Variants in PPP2R5E observed in about 807,000 individuals in gnomAD.
PPP2R5E encodes serine/threonine-protein phosphatase 2A 56 kDa regulatory subunit epsilon isoform.
A neutral mutation model predicts 65.3 loss-of-function variants in PPP2R5E; 4 were observed. The ratio of observed to expected loss-of-function variants is 0.06; its 90% CI spans 0.03 to 0.14. The LOEUF is 0.14. Among genes scored for constraint, PPP2R5E ranks in the 10% least tolerant of loss-of-function variants. The probability of loss-of-function intolerance (pLI) is 1.00; values close to 1 mark genes in which losing one functional copy is unlikely to be tolerated. For missense variants in PPP2R5E, 274 were observed against 556.1 expected (o/e 0.49, Z 5.10); for synonymous variants, 183 against 187.4 (o/e 0.98, Z 0.19).
At chr14:63,505,510 C>T (rs1892118052) in intron 2 of PPP2R5E, among the ~76,000 whole-genome samples, 1 of 152,206 alleles carries the variant, frequency 6.6e-6, no homozygotes, top group Non-Finnish European at 1.5e-5. Flanking sequence ...GCTCTCCCCA[C>T]CCCTTCTCCA....
chr14:63,517,062 A>G (rs1188746573), intron 2 of PPP2R5E, among the ~76,000 whole-genome samples: 1 of 152,210 alleles, frequency 6.6e-6, no homozygotes, highest in Non-Finnish European at 1.5e-5. Flanking sequence ...CTTATGACTC[A>G]AAAAATATGT....
intron 12 of PPP2R5E, 64 bp downstream of exon 12, chr14:63,384,380 A>C: frequency 6.5e-7 from 1 of 1,549,270 alleles, no homozygotes; most frequent in Non-Finnish European, 8.9e-7. Flanking sequence ...GCACATAATA[A>C]GGCTGAAGGG....
At chr14:63,469,732 G>C (rs1890022965) in intron 2 of PPP2R5E, among the ~76,000 whole-genome samples, 1 of 152,142 alleles carries the variant, frequency 6.6e-6, no homozygotes, top group Non-Finnish European at 1.5e-5. Flanking sequence ...CATGGACCAA[G>C]TTGAGAGACA....
At chr14:63,493,358 T>C (rs1891375936) in intron 2 of PPP2R5E, among the ~76,000 whole-genome samples, 1 of 151,978 alleles carries the variant, frequency 6.6e-6, no homozygotes, top group Non-Finnish European at 1.5e-5. Flanking sequence ...CTATAGAATA[T>C]TTAGCAGCAT....
chr14:63,484,961 G>A (rs1890906959), intron 2 of PPP2R5E, among the ~76,000 whole-genome samples: 1 of 152,078 alleles, frequency 6.6e-6, no homozygotes, highest in African/African-American at 2.4e-5. Flanking sequence ...AAGGAACAAT[G>A]CAACAGCACT....
intron 2 of PPP2R5E, among the ~76,000 whole-genome samples, chr14:63,462,654 C>T (rs2139515742): frequency 6.6e-6 from 1 of 152,014 alleles, no homozygotes; most frequent in Non-Finnish European, 1.5e-5. Context: ...ATCTTATTTC[C>T]CCATGTTTTC....
intron 11 of PPP2R5E, among the ~76,000 whole-genome samples, chr14:63,387,841 G>T (rs1311656932): frequency 6.6e-6 from 1 of 152,168 alleles, no homozygotes; most frequent in Non-Finnish European, 1.5e-5. Context: ...ATAAGAAGAG[G>T]AAGAGAGTGA....
intron 5 of PPP2R5E, among the ~76,000 whole-genome samples, chr14:63,402,540 T>A (rs1223650433): frequency 6.6e-6 from 1 of 152,126 alleles, no homozygotes; most frequent in Non-Finnish European, 1.5e-5. Context: ...ACTATTAACA[T>A]CTTCAAAGAT....
chr14:63,474,673 C>CAAAAAAAAA (rs1157357885), intron 2 of PPP2R5E, among the ~76,000 whole-genome samples: 4 of 27,720 alleles, frequency 1.4e-4, no homozygotes, highest in African/African-American at 2.0e-4. Flanking sequence ...TACCCCATCT[C>CAAAAAAAAA]AAAAAAAAAA....
chr14:63,524,561 G>A (rs1893101838), intron 2 of PPP2R5E, among the ~76,000 whole-genome samples: 1 of 152,176 alleles, frequency 6.6e-6, no homozygotes, highest in Non-Finnish European at 1.5e-5. Context: ...CCTACAATAA[G>A]TGAGTTCCCC....
chr14:63,527,301 A>C (rs1893220777), intron 2 of PPP2R5E, among the ~76,000 whole-genome samples: 1 of 152,272 alleles, frequency 6.6e-6, no homozygotes, highest in Admixed American at 6.5e-5. Flanking sequence ...TCAAACTGAC[A>C]TTAACTAAAC....
chr14:63,378,820 C>T (rs1405016530), intron 13 of PPP2R5E, among the ~76,000 whole-genome samples: 1 of 152,146 alleles, frequency 6.6e-6, no homozygotes, highest in Non-Finnish European at 1.5e-5. Flanking sequence ...ATTTGTAATA[C>T]TTCAAAATTT....
At chr14:63,484,750 A>G (rs1890898033) in intron 2 of PPP2R5E, among the ~76,000 whole-genome samples, 1 of 152,226 alleles carries the variant, frequency 6.6e-6, no homozygotes, top group African/African-American at 2.4e-5. Flanking sequence ...AGCAAAAGAT[A>G]TGGAGAGGTT....
At chr14:63,404,342 A>G (rs1404472852) in intron 5 of PPP2R5E, among the ~76,000 whole-genome samples, 1 of 152,218 alleles carries the variant, frequency 6.6e-6, no homozygotes, top group Non-Finnish European at 1.5e-5. Context: ...GGTATTCTAA[A>G]TGTTTTCATC....
intron 4 of PPP2R5E, among the ~76,000 whole-genome samples, chr14:63,416,234 T>C (rs982613602): frequency 5.3e-5 from 8 of 152,224 alleles, no homozygotes; most frequent in Admixed American, 2.6e-4. Context: ...GAGGGAGGAC[T>C]GCTTCAGCCC....
intron 2 of PPP2R5E, among the ~76,000 whole-genome samples, chr14:63,506,380 G>A (rs1418997574): frequency 6.6e-6 from 1 of 152,156 alleles, no homozygotes; most frequent in African/African-American, 2.4e-5. Context: ...GAACCCGGGA[G>A]GCGGACCTTG....
intron 2 of PPP2R5E, among the ~76,000 whole-genome samples, chr14:63,533,879 A>T (rs1566767762): frequency 6.6e-6 from 1 of 152,156 alleles, no homozygotes; most frequent in Non-Finnish European, 1.5e-5. Context: ...CCTGGGAGGC[A>T]GAGGTTGCAG....
intron 12 of PPP2R5E, 84 bp from the exon 13 acceptor site, chr14:63,382,241 G>C: frequency 9.7e-7 from 1 of 1,026,126 alleles, no homozygotes; most frequent in Admixed American, 2.0e-5. Flanking sequence ...CACAACTTTT[G>C]TCTGAATGAT....
chr14:63,374,544 G>T lies in PPP2R5E; in HGVS notation c.*1465C>A, dbSNP rs1309091134. On this transcript the variant is annotated 3_prime_UTR_variant, in exon 14 of 14. Transcript: ENST00000337537. Reference sequence around the variant, plus strand: ...GTACGTAATAATGCAACTGCATTAGGTAAGTACATACTGTACACAAATTTT... The same window carrying T: ...GTACGTAATAATGCAACTGCATTAGTTAAGTACATACTGTACACAAATTTT... 1.3e-5 allele frequency: 2 copies of T among 149,368 alleles called. No individual in the cohort carries two copies. Among genetic ancestry groups the T allele is most frequent in the East Asian group, 3.9e-4 (2 of 5,126 alleles). The allele number at this position is 149,368 out of a possible 1,614,324, so 9.3% of individuals were successfully genotyped here. A position where few individuals can be genotyped will look rare whatever the true frequency, so the allele number is the denominator to read the frequency against.
Sources: gnomAD v4.1 joint callset for allele counts (sites outside exome capture counted in the v4.1 genomes callset) on GRCh38, gnomAD v4.1.1 for gene constraint, MANE v1.5 for transcripts, NCBI Gene and HGNC (gene_info 2026-07-23, HGNC 2026-07-21) for gene names.